The following IMMP2L variants were observed in gnomAD, a reference collection of about 807,000 sequenced individuals.
The protein encoded by IMMP2L is inner mitochondrial membrane peptidase subunit 2.
In IMMP2L, 18 loss-of-function variants were observed where a neutral mutation model predicts 19.3. The observed-to-expected ratio is 0.93, with a 90% CI of 0.64 to 1.38. IMMP2L has a LOEUF of 1.38. Among genes scored for constraint, IMMP2L ranks in the 40% most tolerant of loss-of-function variants. The probability of loss-of-function intolerance (pLI) is 0.00; values close to 1 mark genes in which losing one functional copy is unlikely to be tolerated. For missense variants in IMMP2L, 233 were observed against 218.2 expected (o/e 1.07, Z -0.43); for synonymous variants, 76 against 73.0 (o/e 1.04, Z -0.21).
intron 3 of IMMP2L, among the ~76,000 whole-genome samples, chr7:110,971,318 G>A (rs771404099): frequency 1.3e-5 from 2 of 152,090 alleles, no homozygotes; most frequent in African/African-American, 2.4e-5. Flanking sequence ...GGCTAGTCTT[G>A]AGCATTTTAC....
chr7:110,743,249 T>G (rs370195654), intron 5 of IMMP2L, among the ~76,000 whole-genome samples: 2 of 152,182 alleles, frequency 1.3e-5, no homozygotes, highest in Admixed American at 1.3e-4. Flanking sequence ...GAAATTCAGA[T>G]AGTCAATTTG....
chr7:111,465,235 C>A (rs117862778), intron 3 of IMMP2L, among the ~76,000 whole-genome samples: 1 of 151,984 alleles, frequency 6.6e-6, no homozygotes, highest in Non-Finnish European at 1.5e-5. Flanking sequence ...TATTTGCTTA[C>A]GACGTATTTT....
At chr7:111,020,893 C>T (rs1585794166) in intron 3 of IMMP2L, among the ~76,000 whole-genome samples, 2 of 152,166 alleles carry the variant, frequency 1.3e-5, no homozygotes, top group Admixed American at 6.5e-5. Flanking sequence ...TTCAGTGACT[C>T]ATATATTCAA....
intron 3 of IMMP2L, among the ~76,000 whole-genome samples, chr7:110,968,873 T>A (rs1360555054): frequency 1.3e-5 from 2 of 152,080 alleles, no homozygotes; most frequent in Admixed American, 1.3e-4. Flanking sequence ...TCAGTAAATT[T>A]TAGACACCCC....
chr7:110,931,741 T>A (rs998849415), intron 4 of IMMP2L, among the ~76,000 whole-genome samples: 50 of 152,198 alleles, frequency 3.3e-4, no homozygotes, highest in African/African-American at 1.2e-3. Flanking sequence ...GCTTCCTATC[T>A]TACTTAAAGT....
At chr7:110,891,555 G>A (rs1810801131) in intron 4 of IMMP2L, among the ~76,000 whole-genome samples, 1 of 152,096 alleles carries the variant, frequency 6.6e-6, no homozygotes, top group Non-Finnish European at 1.5e-5. Flanking sequence ...AGTGAGTCAG[G>A]ACAAACAATA....
At chr7:111,091,776 G>A (rs899797827) in intron 3 of IMMP2L, among the ~76,000 whole-genome samples, 1 of 151,748 alleles carries the variant, frequency 6.6e-6, no homozygotes, top group Non-Finnish European at 1.5e-5. Context: ...AGCAGTGTTG[G>A]GGGGAGGAGA....
intron 3 of IMMP2L, among the ~76,000 whole-genome samples, chr7:111,170,815 G>A (rs1806352905): frequency 6.6e-6 from 1 of 151,680 alleles, no homozygotes; most frequent in Non-Finnish European, 1.5e-5. Flanking sequence ...ATACTGCATA[G>A]TAGTAAAGCC....
At chr7:110,790,489 A>T (rs1346292612) in intron 5 of IMMP2L, among the ~76,000 whole-genome samples, 1 of 151,768 alleles carries the variant, frequency 6.6e-6, no homozygotes, top group African/African-American at 2.4e-5. Flanking sequence ...CAAACAAGAG[A>T]TCATGGTGGC....
At chr7:111,474,031 C>T (rs988784514) in intron 3 of IMMP2L, among the ~76,000 whole-genome samples, 1 of 152,058 alleles carries the variant, frequency 6.6e-6, no homozygotes, top group African/African-American at 2.4e-5. Context: ...AACATGAACG[C>T]AGATGGAGGC....
At chr7:111,198,928 A>C (rs1234046644) in intron 3 of IMMP2L, among the ~76,000 whole-genome samples, 1 of 152,166 alleles carries the variant, frequency 6.6e-6, no homozygotes, top group Non-Finnish European at 1.5e-5. Context: ...GAATATATGC[A>C]TTTTCAGAGA....
chr7:111,281,659 T>C (rs958782492), intron 3 of IMMP2L, among the ~76,000 whole-genome samples: 4 of 152,166 alleles, frequency 2.6e-5, no homozygotes, highest in African/African-American at 9.7e-5. Context: ...CATTAAATTA[T>C]TACATCCACG....
Position 110,728,105 on chromosome 7 carries a change from AAATAATATGCAAAGGCATTT to A in IMMP2L, c.409-64404_409-64385del, listed in dbSNP as rs1796019918. 1.3e-5 allele frequency among the ~76,000 whole-genome samples: 2 copies of A among 152,248 alleles called. No individual in the cohort carries two copies. The highest frequency in any genetic ancestry group is 1.3e-4 in the Admixed American group (2 of 15,284). The stretch of plus-strand genomic sequence containing the variant: ...ACTTCATAATGTTGATGGGAAGATT[AAATAATATGCAAAGGCATTT>A]AATTTAATGCTTGGCCAATAGTAAG... On this transcript the variant is annotated intron_variant, in intron 5 of 5. Coordinates refer to ENST00000405709, the MANE Select transcript of IMMP2L (RefSeq NM_032549.4). The surrounding 1 kb of genome is among the most constrained non-coding windows in gnomAD (Gnocchi z 4.6).
rs1048252125 is a variant in IMMP2L, at chr7:111,375,111, C to A, written c.239+112127G>T. Among the ~76,000 whole-genome samples the A allele has an allele frequency of 2.6e-5, 4 of 151,974 alleles. No individual in the cohort carries two copies. The South Asian group carries it at 6.2e-4, about 24-fold the overall frequency. On this transcript the variant is annotated intron_variant, in intron 3 of 5. Coordinates refer to ENST00000405709, the MANE Select transcript of IMMP2L (RefSeq NM_032549.4). ...GAGTCTTCACTGATTATTAACTCAGCAGAACTCTCAGGATGTAAACTATAG... is the reference window on the plus strand; with the variant it reads ...GAGTCTTCACTGATTATTAACTCAGAAGAACTCTCAGGATGTAAACTATAG...
chr7:111,228,611 G>A (rs1359752251), intron 3 of IMMP2L, among the ~76,000 whole-genome samples: 1 of 151,968 alleles, frequency 6.6e-6, no homozygotes, highest in Admixed American at 6.6e-5. Context: ...GTCTGCAGAA[G>A]TATCCATTCC....
At chr7:110,873,108 A>G (rs1808693074) in intron 5 of IMMP2L, among the ~76,000 whole-genome samples, 1 of 151,982 alleles carries the variant, frequency 6.6e-6, no homozygotes, top group Non-Finnish European at 1.5e-5. Context: ...TTTTATGGTG[A>G]TGTTGAATTG....
intron 3 of IMMP2L, among the ~76,000 whole-genome samples, chr7:111,403,350 T>C (rs532681170): frequency 1.6e-3 from 246 of 152,130 alleles, no homozygotes; most frequent in African/African-American, 4.8e-3. Flanking sequence ...TTTCCAGCCA[T>C]GTAGAACTGT....
intron 5 of IMMP2L, among the ~76,000 whole-genome samples, chr7:110,694,710 C>T (rs117185895): frequency 1.3e-5 from 2 of 152,036 alleles, no homozygotes; most frequent in African/African-American, 4.8e-5. Flanking sequence ...TATATATGAT[C>T]GAGCAATTTC....
At chr7:111,031,775 G>A (rs1790849222) in intron 3 of IMMP2L, among the ~76,000 whole-genome samples, 1 of 152,044 alleles carries the variant, frequency 6.6e-6, no homozygotes, top group Non-Finnish European at 1.5e-5. Context: ...TAACTTTACA[G>A]TGCAGAAACC....
Sources: gnomAD v4.1 joint callset for allele counts (sites outside exome capture counted in the v4.1 genomes callset) on GRCh38, gnomAD v4.1.1 for gene constraint, Gnocchi (gnomAD v3.1) non-coding constraint, MANE v1.5 for transcripts, NCBI Gene and HGNC (gene_info 2026-07-23, HGNC 2026-07-21) for gene names.